Variants in VPS41 observed in about 807,000 individuals in gnomAD.
The protein encoded by VPS41 is vacuolar protein sorting-associated protein 41 homolog.
Under a neutral mutation model 130.9 loss-of-function variants are expected in VPS41, and 85 were observed. That is an observed-to-expected ratio of 0.65 (90% CI 0.55 to 0.78). The LOEUF (loss-of-function observed/expected upper bound fraction) is 0.78, where lower values mean the gene tolerates loss of function less well. Ranked by LOEUF, VPS41 falls within the 30% of genes least tolerant of loss-of-function variation. The probability of loss-of-function intolerance (pLI) is 0.00; values close to 1 mark genes in which losing one functional copy is unlikely to be tolerated. For missense variants in VPS41, 874 were observed against 1,018.7 expected, an observed-to-expected ratio of 0.86 and a Z score of 1.93; for synonymous variants, 335 against 332.9, an observed-to-expected ratio of 1.01 and a Z score of -0.07.
At chr7:38,832,318 T>C (rs1785403453) in intron 4 of VPS41, among the ~76,000 whole-genome samples, 1 of 133,966 alleles carries the variant, frequency 7.5e-6, no homozygotes, top group South Asian at 2.2e-4. Context: ...TTTCTTTCTT[T>C]CTTTTTTTTT....
In VPS41 at chr7:38,856,386, G is replaced by A. The variant is rs9648471; in HGVS notation, c.246+6159C>T. Among the ~76,000 whole-genome samples, 57 of 152,108 alleles carry A rather than the reference G, an allele frequency of 3.7e-4. 1 individual carries two copies. The highest frequency in any genetic ancestry group is 1.5e-3 in the Admixed American group (23 of 15,274). On this transcript the variant is annotated intron_variant, in intron 4 of 28. Transcript: ENST00000310301. ...GGTTAGGACCTCAACATATGAATTA[G>A]GAGGTGGGGAAGAATTCAGTCTACA...
At chr7:38,730,386 T>C (rs1374634572) in intron 25 of VPS41, among the ~76,000 whole-genome samples, 1 of 152,170 alleles carries the variant, frequency 6.6e-6, no homozygotes, top group Non-Finnish European at 1.5e-5. Flanking sequence ...AAAGCCTTTT[T>C]CCCCTAATTA....
intron 7 of VPS41, among the ~76,000 whole-genome samples, chr7:38,798,275 G>C (rs996009766): frequency 6.6e-6 from 1 of 152,046 alleles, no homozygotes; most frequent in Non-Finnish European, 1.5e-5. Context: ...CTAAAGACAG[G>C]CAGCTAAAAA....
chr7:38,799,892 AT>A (rs1784691686), intron 7 of VPS41, among the ~76,000 whole-genome samples: 1 of 152,168 alleles, frequency 6.6e-6, no homozygotes, highest in African/African-American at 2.4e-5. Context: ...ACGAATCAAA[AT>A]GATATGATCA....
At chr7:38,742,224 C>A in intron 24 of VPS41, 103 bp from the exon 25 acceptor site, 1 of 1,114,866 alleles carries the variant, frequency 9.0e-7, no homozygotes, top group Non-Finnish European at 1.2e-6. Context: ...AAAAGTAACT[C>A]AAAGAAAAAA....
intron 4 of VPS41, among the ~76,000 whole-genome samples, chr7:38,857,184 G>A (rs1786006051): frequency 6.6e-6 from 1 of 152,160 alleles, no homozygotes. Context: ...TACCTGACAA[G>A]GAGAATCATC....
At position 38,730,581 on chromosome 7, in the gene VPS41, A is replaced by T. The variant is rs190683269; in HGVS notation, c.2260-1790T>A. Among the ~76,000 whole-genome samples the T allele has an allele frequency of 3.1e-3, 473 of 152,222 alleles. 10 individuals carry two copies. Among genetic ancestry groups the T allele is most frequent in the Admixed American group, 0.029 (436 of 15,290 alleles). On this transcript the variant is annotated intron_variant, in intron 25 of 28. Coordinates refer to ENST00000310301, the MANE Select transcript of VPS41 (RefSeq NM_014396.4). Reference sequence around the variant, plus strand: ...AGGAATCAATTTTTTTTGGATTTTTAAAAAAATACATTAAAATTTTAACAG... The same window carrying T: ...AGGAATCAATTTTTTTTGGATTTTTTAAAAAATACATTAAAATTTTAACAG...
At chr7:38,759,075 C>T (rs1458079861) in intron 17 of VPS41, among the ~76,000 whole-genome samples, 1 of 152,202 alleles carries the variant, frequency 6.6e-6, no homozygotes, top group Admixed American at 6.5e-5. Flanking sequence ...GCTGCTCTAG[C>T]AAATGAGTCA....
rs147210031 is a variant in VPS41 at position 38,869,159 on chromosome 7, G to T, written c.155C>A (p.Thr52Lys). ...ILQKDAASCM[T>K]VHDKFLALGT... ...GTGCTATCTTACCTTGTCATGGACT[G>T]TCATGCAGCTAGCTGCATCCTTCTG... is the stretch of plus-strand genomic sequence containing the variant. Residue 52 changes from threonine to lysine, a missense_variant, in exon 3 of 29, where the codon ACA becomes AAA. Thr to Lys is a moderately conservative substitution (Grantham distance 78). Transcript: ENST00000310301. 6.3e-7 allele frequency: 1 copy of T among 1,597,702 alleles called. No individual in the cohort carries two copies. The highest frequency in any genetic ancestry group is 1.3e-5 in the African/African-American group (1 of 74,470).
rs1783801643 is a variant in VPS41, at chr7:38,756,739, GT to G, written c.1695+98del. On this transcript the variant is annotated intron_variant, in intron 19 of 28. Transcript: ENST00000310301. ...GATTGTCGGCATAAAGCCAAGTTATGTGATTCATTCACCAATCCAGCATTTG... is the reference window on the plus strand; with the variant it reads ...GATTGTCGGCATAAAGCCAAGTTATGGATTCATTCACCAATCCAGCATTTG... 59 of 899,436 alleles carry G rather than the reference GT, an allele frequency of 6.6e-5. No individual in the cohort carries two copies. The Admixed American group carries it at 1.7e-3, about 26-fold the overall frequency. 55.7% of individuals were successfully genotyped at this position (899,436 alleles called of 1,614,324 possible). A position where few individuals can be genotyped will look rare whatever the true frequency, so the allele number is the denominator to read the frequency against.
rs373739197 is a variant in VPS41 at position 38,819,687 on chromosome 7, T to C, written c.384+1516A>G. Among the ~76,000 whole-genome samples the C allele has an allele frequency of 2.6e-5, 4 of 152,190 alleles. 1 individual carries two copies. Among genetic ancestry groups the C allele is most frequent in the East Asian group, 1.9e-4 (1 of 5,156 alleles). On this transcript the variant is annotated intron_variant, in intron 6 of 28. Transcript: ENST00000310301. Reference sequence around the variant, plus strand: ...ACTTCCTCCTTGTAGAAACCCTCTCTCCCCTGGCTTCTCTGACACCACTCT... The same window carrying C: ...ACTTCCTCCTTGTAGAAACCCTCTCCCCCCTGGCTTCTCTGACACCACTCT...
chr7:38,796,930 A>C (rs1012580538), intron 7 of VPS41, 66 bp from the exon 8 acceptor site: 29 of 1,594,100 alleles, frequency 1.8e-5, no homozygotes, highest in Non-Finnish European at 2.3e-5. Context: ...TTCTTTACTT[A>C]CTAGTTTTAC....
intron 7 of VPS41, among the ~76,000 whole-genome samples, chr7:38,800,778 G>T (rs1293114585): frequency 6.6e-6 from 1 of 152,182 alleles, no homozygotes; most frequent in Non-Finnish European, 1.5e-5. Context: ...GGAGGTTGCA[G>T]TGAGCCAAGA....
chr7:38,754,829 T>C (rs1369112480), intron 20 of VPS41, 66 bp downstream of exon 20: 17 of 1,586,126 alleles, frequency 1.1e-5, no homozygotes, highest in Non-Finnish European at 1.5e-5. Flanking sequence ...ATAAACTCTC[T>C]TCTTCACAGC....
intron 7 of VPS41, among the ~76,000 whole-genome samples, chr7:38,798,794 C>G (rs1171059676): frequency 6.6e-6 from 1 of 152,082 alleles, no homozygotes; most frequent in Non-Finnish European, 1.5e-5. Context: ...CACCAATTCC[C>G]ACCTAGAAAT....
chr7:38,728,840 T>G (rs553483871), intron 25 of VPS41, 49 bp from the exon 26 acceptor site: 3 of 1,547,344 alleles, frequency 1.9e-6, no homozygotes, highest in South Asian at 2.2e-5. Context: ...GACTCAAATC[T>G]GAGGGGTGAA....
chr7:38,900,617 C>T (rs1162970802), intron 1 of VPS41, among the ~76,000 whole-genome samples: 1 of 152,210 alleles, frequency 6.6e-6, no homozygotes, highest in Non-Finnish European at 1.5e-5. Context: ...TCTTTCTCCA[C>T]ACCAGAAAGC....
chr7:38,797,044 A>G lies in VPS41; in HGVS notation c.451-180T>C, dbSNP rs1584400558. On this transcript the variant is annotated intron_variant, in intron 7 of 28. Transcript: ENST00000310301. The stretch of plus-strand genomic sequence containing the variant: ...TTGGAAAGAATTCCTAGCACATCAT[A>G]TTCTCCCCAGGAAGTTGTTTAAAAT... 5 of 674,038 alleles carry G rather than the reference A, an allele frequency of 7.4e-6. No homozygotes were observed. In the East Asian group the frequency reaches 1.5e-4, roughly 20 times the overall value. The allele number at this position is 674,038 out of a possible 1,614,324, so 41.8% of individuals were successfully genotyped here. A position where few individuals can be genotyped will look rare whatever the true frequency, so the allele number is the denominator to read the frequency against.
chr7:38,893,116 G>T (rs1457775773), intron 2 of VPS41, among the ~76,000 whole-genome samples: 1 of 152,180 alleles, frequency 6.6e-6, no homozygotes, highest in Non-Finnish European at 1.5e-5. Flanking sequence ...GATGGCCACA[G>T]AATCAAGTCC....
Sources: allele counts gnomAD v4.1 joint callset (sites outside exome capture counted in the v4.1 genomes callset), GRCh38; gene constraint gnomAD v4.1.1; transcripts MANE v1.5; gene names NCBI Gene and HGNC (gene_info 2026-07-23, HGNC 2026-07-21).